Variants in KIF5C observed in about 807,000 individuals in gnomAD.
KIF5C encodes the protein kinesin heavy chain isoform 5C.
In KIF5C, 18 loss-of-function variants were observed where a neutral mutation model predicts 125.2. The ratio of observed to expected loss-of-function variants is 0.14; its 90% CI spans 0.10 to 0.21. KIF5C has a LOEUF of 0.21. Among genes scored for constraint, KIF5C ranks in the 10% least tolerant of loss-of-function variants. The pLI, the probability that KIF5C is intolerant of heterozygous loss-of-function variation, is 1.00. For synonymous variants in KIF5C, 405 were observed against 434.0 expected, an observed-to-expected ratio of 0.93 and a Z score of 0.83; for missense variants, 780 against 1,183.8, an observed-to-expected ratio of 0.66 and a Z score of 5.01.
intron 10 of KIF5C, among the ~76,000 whole-genome samples, chr2:148,959,885 A>G (rs191575523): frequency 5.4e-4 from 82 of 152,268 alleles, no homozygotes; most frequent in Non-Finnish European, 9.1e-4. Flanking sequence ...GTCCCTACCA[A>G]TGGCTGTGAC....
chr2:148,944,994 G>T (rs1369277058), intron 7 of KIF5C, among the ~76,000 whole-genome samples: 1 of 152,038 alleles, frequency 6.6e-6, no homozygotes, highest in African/African-American at 2.4e-5. Context: ...TTTTAATCAG[G>T]TTAATTTGTT....
At chr2:149,020,916 TACTC>T (rs1483664631) in intron 25 of KIF5C, among the ~76,000 whole-genome samples, 1 of 152,234 alleles carries the variant, frequency 6.6e-6, no homozygotes, top group African/African-American at 2.4e-5. Flanking sequence ...AAAGACATCT[TACTC>T]TCTGTGACTT....
At chr2:148,909,514 T>C (rs1187698545) in intron 1 of KIF5C, among the ~76,000 whole-genome samples, 2 of 152,258 alleles carry the variant, frequency 1.3e-5, no homozygotes, top group African/African-American at 2.4e-5. Context: ...CCCAGTGTTT[T>C]TGAACAGTAC....
intron 25 of KIF5C, among the ~76,000 whole-genome samples, chr2:149,021,312 G>A (rs965641241): frequency 2.0e-5 from 3 of 152,036 alleles, no homozygotes; most frequent in South Asian, 2.1e-4. Context: ...ATCCACCCGC[G>A]TTGGCCTCCC....
chr2:148,942,390 GTCT>G (rs1465611116), intron 6 of KIF5C, among the ~76,000 whole-genome samples: 1 of 152,070 alleles, frequency 6.6e-6, no homozygotes, highest in Non-Finnish European at 1.5e-5. Context: ...TTGATTTTCT[GTCT>G]TCTTAAAGTG....
chr2:148,993,145 G>T (rs1389424357), intron 16 of KIF5C, among the ~76,000 whole-genome samples: 1 of 152,184 alleles, frequency 6.6e-6, no homozygotes, highest in Admixed American at 6.5e-5. Context: ...TACTCTGAGG[G>T]TGGTCTATAG....
At chr2:148,921,823 G>A (rs1289209110) in intron 1 of KIF5C, among the ~76,000 whole-genome samples, 1 of 152,044 alleles carries the variant, frequency 6.6e-6, no homozygotes, top group Admixed American at 6.5e-5. Context: ...ATCTAGCCCA[G>A]TGCCAGGCTC....
chr2:148,915,195 ACTGGAGAAATACAGTGTGCGTCTC>A (rs1681496584), intron 1 of KIF5C, among the ~76,000 whole-genome samples: 1 of 152,178 alleles, frequency 6.6e-6, no homozygotes, highest in African/African-American at 2.4e-5. Context: ...TTTCTGACAC[ACTGGAGAAATACAGTGTGCGTCTC>A]CTGTATCGTA....
chr2:148,892,222 T>G (rs1202556204), intron 1 of KIF5C, among the ~76,000 whole-genome samples: 1 of 152,204 alleles, frequency 6.6e-6, no homozygotes, highest in Non-Finnish European at 1.5e-5. Flanking sequence ...AATGTTTGAG[T>G]GCACAGCATT....
chr2:148,993,617 G>A (rs1416678134), intron 16 of KIF5C, among the ~76,000 whole-genome samples: 1 of 152,168 alleles, frequency 6.6e-6, no homozygotes, highest in Non-Finnish European at 1.5e-5. Flanking sequence ...TTCTGGAGAG[G>A]TTATTTCATT....
At chr2:148,882,045 T>C (rs1318828022) in intron 1 of KIF5C, among the ~76,000 whole-genome samples, 1 of 152,142 alleles carries the variant, frequency 6.6e-6, no homozygotes, top group East Asian at 1.9e-4. Context: ...TTGCTGCACG[T>C]CAACCAAGTT....
chr2:148,966,356 GCGCGCGCA>G (rs1558922157), intron 11 of KIF5C, among the ~76,000 whole-genome samples: 3 of 149,438 alleles, frequency 2.0e-5, no homozygotes, highest in Non-Finnish European at 4.4e-5. Context: ...GTGTGTGTGC[GCGCGCGCA>G]CACACACACA....
At chr2:149,011,537 CT>C in intron 24 of KIF5C, 32 bp from the exon 25 acceptor site, 1 of 1,612,310 alleles carries the variant, frequency 6.2e-7, no homozygotes, top group South Asian at 1.1e-5. Flanking sequence ...TTCTAAATGT[CT>C]GTTCTCTCTT....
chr2:149,016,257 T>G (rs147988050), intron 25 of KIF5C, among the ~76,000 whole-genome samples: 55 of 152,198 alleles, frequency 3.6e-4, no homozygotes, highest in African/African-American at 1.3e-3. Context: ...GAGGGGCCAC[T>G]GGGGCTGTGG....
At chr2:148,997,435 C>A in intron 18 of KIF5C, 95 bp downstream of exon 18, 1 of 1,578,852 alleles carries the variant, frequency 6.3e-7, no homozygotes, top group Non-Finnish European at 8.6e-7. Flanking sequence ...CCTTCAGATC[C>A]GTATATGGCA....
intron 3 of KIF5C, among the ~76,000 whole-genome samples, chr2:148,933,750 C>T (rs910366402): frequency 2.3e-3 from 344 of 151,090 alleles, no homozygotes; most frequent in African/African-American, 8.0e-3. Flanking sequence ...ATCATACACA[C>T]GCACACACAT....
At chr2:148,955,433 G>A (rs1682769825) in intron 10 of KIF5C, among the ~76,000 whole-genome samples, 1 of 152,066 alleles carries the variant, frequency 6.6e-6, no homozygotes. Context: ...CTAAAATGGA[G>A]GTTTCATGGA....
chr2:148,982,480 A>T (rs957502426), intron 14 of KIF5C, among the ~76,000 whole-genome samples: 2 of 152,216 alleles, frequency 1.3e-5, no homozygotes, highest in Non-Finnish European at 2.9e-5. Context: ...GAAGTAGCAG[A>T]TGGCGCAGGA....
At chr2:148,931,172 A>C (rs1682176684) in intron 3 of KIF5C, among the ~76,000 whole-genome samples, 1 of 152,190 alleles carries the variant, frequency 6.6e-6, no homozygotes, top group African/African-American at 2.4e-5. Context: ...ACAACAACAA[A>C]AACAAAAGCA....
Sources: allele counts gnomAD v4.1 joint callset (sites outside exome capture counted in the v4.1 genomes callset), GRCh38; gene constraint gnomAD v4.1.1; transcripts MANE v1.5; gene names NCBI Gene and HGNC (gene_info 2026-07-23, HGNC 2026-07-21).